Variants in CACNB2 observed in about 807,000 individuals in gnomAD.
CACNB2 encodes calcium voltage-gated channel auxiliary subunit beta 2.
A neutral mutation model predicts 73.3 loss-of-function variants in CACNB2; 42 were observed. The ratio of observed to expected loss-of-function variants is 0.57; its 90% confidence interval spans 0.45 to 0.74. The LOEUF (loss-of-function observed/expected upper bound fraction) is 0.74. Among genes scored for constraint, CACNB2 ranks in the 30% least tolerant of loss-of-function variants. The pLI is 0.00. For missense variants in CACNB2, 940 were observed against 853.0 expected (o/e 1.10, Z -1.27); for synonymous variants, 348 against 310.3 (o/e 1.12, Z -1.28).
chr10:18,531,577 G>C (rs2053033704), intron 10 of CACNB2, among the ~76,000 whole-genome samples: 1 of 152,094 alleles, frequency 6.6e-6, no homozygotes, highest in East Asian at 1.9e-4. Flanking sequence ...ATGTCTTTGA[G>C]GAATTACCAT....
At chr10:18,208,399 G>T (rs564087274) in intron 2 of CACNB2, among the ~76,000 whole-genome samples, 2 of 152,238 alleles carry the variant, frequency 1.3e-5, no homozygotes, top group South Asian at 4.2e-4. Context: ...GATCGCTTGA[G>T]CCTGGGAGTT....
At chr10:18,480,375 G>A (rs1383995212) in intron 3 of CACNB2, among the ~76,000 whole-genome samples, 1 of 152,090 alleles carries the variant, frequency 6.6e-6, no homozygotes, top group African/African-American at 2.4e-5. Context: ...AATAAGACAA[G>A]CCCGTTGGTT....
At chr10:18,293,562 G>C (rs2039154948) in intron 2 of CACNB2, among the ~76,000 whole-genome samples, 1 of 152,200 alleles carries the variant, frequency 6.6e-6, no homozygotes, top group Non-Finnish European at 1.5e-5. Context: ...CTCTACCCTT[G>C]GGTTGGGTTT....
intron 3 of CACNB2, among the ~76,000 whole-genome samples, chr10:18,438,122 A>G (rs1204747245): frequency 3.0e-5 from 4 of 132,098 alleles, no homozygotes; most frequent in African/African-American, 1.2e-4. Context: ...GGTTCATGCC[A>G]TTCTCCTGCC....
chr10:18,524,560 CAGG>C (rs2052261316), intron 9 of CACNB2, among the ~76,000 whole-genome samples: 1 of 150,046 alleles, frequency 6.7e-6, no homozygotes, highest in Non-Finnish European at 1.5e-5. Context: ...GAGGCTGAGG[CAGG>C]AGAAGCGCCT....
At chr10:18,439,781 C>T (rs780563776) in intron 3 of CACNB2, among the ~76,000 whole-genome samples, 4 of 152,276 alleles carry the variant, frequency 2.6e-5, no homozygotes, top group Non-Finnish European at 4.4e-5. Context: ...AATCCAGATT[C>T]GCTCATCCTT....
intron 2 of CACNB2, among the ~76,000 whole-genome samples, chr10:18,344,148 G>T (rs1217914666): frequency 6.6e-6 from 1 of 151,804 alleles, no homozygotes; most frequent in Non-Finnish European, 1.5e-5. Context: ...AAGGCTGCAG[G>T]CTTCTACATC....
chr10:18,142,862 C>T (rs1564290120), intron 1 of CACNB2, among the ~76,000 whole-genome samples: 1 of 152,120 alleles, frequency 6.6e-6, no homozygotes, highest in South Asian at 2.1e-4. Context: ...AAGAGAAGTT[C>T]TGACTAGTAA....
At chr10:18,498,574 T>C in intron 4 of CACNB2, 97 bp downstream of exon 4, 2 of 1,157,118 alleles carry the variant, frequency 1.7e-6, no homozygotes, top group Non-Finnish European at 2.6e-6. Flanking sequence ...GAAGTAGCAT[T>C]GCACATCGCT....
intron 3 of CACNB2, among the ~76,000 whole-genome samples, chr10:18,432,557 G>C (rs1245712611): frequency 1.3e-5 from 2 of 152,068 alleles, no homozygotes; most frequent in Non-Finnish European, 2.9e-5. Context: ...TCCAGGCTGG[G>C]TGCAGTGACT....
chr10:18,290,590 A>G (rs1289739261), intron 2 of CACNB2, among the ~76,000 whole-genome samples: 1 of 152,178 alleles, frequency 6.6e-6, no homozygotes, highest in Non-Finnish European at 1.5e-5. Flanking sequence ...CAGAATTTGG[A>G]AGAAAAAGTA....
intron 3 of CACNB2, among the ~76,000 whole-genome samples, chr10:18,408,548 A>G (rs1212198929): frequency 1.3e-5 from 2 of 151,866 alleles, no homozygotes; most frequent in Non-Finnish European, 2.9e-5. Context: ...CATACCCCCA[A>G]CTTCTTAGCT....
chr10:18,426,999 A>G (rs1181590408), intron 3 of CACNB2, among the ~76,000 whole-genome samples: 1 of 63,138 alleles, frequency 1.6e-5, no homozygotes, highest in Non-Finnish European at 2.8e-5. Context: ...CTTGTTGCCC[A>G]GGTGGGAGTG....
intron 2 of CACNB2, among the ~76,000 whole-genome samples, chr10:18,275,038 T>C (rs2038219065): frequency 6.6e-6 from 1 of 152,226 alleles, no homozygotes; most frequent in Non-Finnish European, 1.5e-5. Flanking sequence ...AAGCTGGCTT[T>C]TTCTGACTTG....
intron 2 of CACNB2, among the ~76,000 whole-genome samples, chr10:18,288,462 A>G (rs2038897606): frequency 6.6e-6 from 1 of 152,198 alleles, no homozygotes; most frequent in African/African-American, 2.4e-5. Flanking sequence ...ATTTTAGTCA[A>G]AAGATCAGGC....
chr10:18,514,265 G>T lies in CACNB2; in HGVS notation c.700G>T (p.Ala234Ser), dbSNP rs1327029269. ...AGACATAGATGCTACTGGCTTAGAT[G>T]CAGAAGAAAATGATATTCCAGCAAA... ...AIDIDATGLD[A>S]EENDIPANHR... is the part of the protein sequence containing the mutation. The change falls in exon 7 of 14, where the codon GCA (alanine) becomes TCA (serine). Residue 234 changes from alanine to serine, a missense_variant. Transcript: ENST00000324631. 1.2e-6 allele frequency: 2 copies of T among 1,614,026 alleles called. No individual in the cohort carries two copies. Among genetic ancestry groups the T allele is most frequent in the Non-Finnish European group, 8.5e-7 (1 of 1,179,986 alleles).
intron 2 of CACNB2, among the ~76,000 whole-genome samples, chr10:18,198,360 C>T (rs73595510): frequency 0.043 from 6,487 of 151,956 alleles, 374 homozygotes; most frequent in African/African-American, 0.14. Flanking sequence ...ATACCGGGGG[C>T]ACCTGGGGGT....
rs539860213 is a variant in CACNB2 at position 18,161,740 on chromosome 10, A to T, written c.213+10765A>T. The stretch of plus-strand genomic sequence containing the variant: ...GTAATTCAAGACCAGCCTGGCCAAC[A>T]TGCTGAAACCCTGTCTCTACTAAAA... On this transcript the variant is annotated intron_variant, in intron 2 of 13. Coordinates refer to ENST00000324631, the MANE Select transcript of CACNB2 (RefSeq NM_201596.3). Among the ~76,000 whole-genome samples the T allele has an allele frequency of 6.6e-5, 10 of 152,068 alleles. No individual in the cohort carries two copies. In the East Asian group the frequency reaches 1.9e-3, roughly 29 times the overall value.
chr10:18,300,313 C>T (rs1036000947), intron 2 of CACNB2, among the ~76,000 whole-genome samples: 36 of 152,188 alleles, frequency 2.4e-4, no homozygotes, highest in African/African-American at 5.8e-4. Flanking sequence ...TGAGCCACCA[C>T]GCCCAGCGGT....
Sources: allele counts gnomAD v4.1 joint callset (sites outside exome capture counted in the v4.1 genomes callset), GRCh38; gene constraint gnomAD v4.1.1; transcripts MANE v1.5; gene names NCBI Gene and HGNC (gene_info 2026-07-23, HGNC 2026-07-21).